Variants in CDYL2 observed in about 807,000 individuals in gnomAD.
CDYL2 encodes the protein chromodomain Y-like protein 2.
In CDYL2, 23 loss-of-function variants were observed where a neutral mutation model predicts 49.4. The observed-to-expected ratio is 0.47, with a 90% CI of 0.34 to 0.66. The LOEUF (loss-of-function observed/expected upper bound fraction) is 0.66, where lower values mean the gene tolerates loss of function less well. Ranked by LOEUF, CDYL2 falls within the 30% of genes least tolerant of loss-of-function variation. The pLI, the probability that CDYL2 is intolerant of heterozygous loss-of-function variation, is 0.01. For synonymous variants in CDYL2, 360 were observed against 268.8 expected, an observed-to-expected ratio of 1.34 and a Z score of -3.32; for missense variants, 678 against 656.4, an observed-to-expected ratio of 1.03 and a Z score of -0.36.
At chr16:80,764,452 C>A (rs1467702862) in intron 1 of CDYL2, among the ~76,000 whole-genome samples, 8 of 152,088 alleles carry the variant, frequency 5.3e-5, no homozygotes, top group Non-Finnish European at 1.0e-4. Context: ...CTATTCCATT[C>A]CCTATCCCAA....
intron 1 of CDYL2, among the ~76,000 whole-genome samples, chr16:80,719,859 T>C (rs1904939902): frequency 6.6e-6 from 1 of 152,282 alleles, no homozygotes; most frequent in East Asian, 1.9e-4. Context: ...ACCAAAGACA[T>C]TGTTGGGACC....
rs754995779 is a variant in CDYL2, at chr16:80,612,764, C to G, written c.1080G>C (p.Leu360=). ...CACAGAGGGGCAGGATGGAGGCACC[C>G]AGGCCCAGGGCCGGCCCATTGATGG... ...VVAINGPALG[L]GASILPLCDI... The change falls in exon 5 of 7, where the codon CTG becomes CTC. Residue 360 remains leucine, a synonymous_variant. Transcript: ENST00000570137. The surrounding 1 kb of genome is among the most constrained non-coding windows in gnomAD (Gnocchi z 5.0). The G allele has an allele frequency of 6.2e-7, 1 of 1,613,854 alleles. No homozygotes were observed. Among genetic ancestry groups the G allele is most frequent in the African/African-American group, 1.3e-5 (1 of 75,046 alleles).
intron 1 of CDYL2, among the ~76,000 whole-genome samples, chr16:80,686,469 C>T (rs140306183): frequency 3.5e-4 from 54 of 152,126 alleles, no homozygotes; most frequent in African/African-American, 1.2e-3. Flanking sequence ...GGAATTTTGA[C>T]CCAATAAAAT....
intron 2 of CDYL2, among the ~76,000 whole-genome samples, chr16:80,638,398 C>T (rs1471457090): frequency 6.6e-6 from 1 of 152,158 alleles, no homozygotes; most frequent in East Asian, 1.9e-4. Flanking sequence ...TTTAATATGT[C>T]AATTCTTCCC....
At chr16:80,740,016 G>C (rs575191474) in intron 1 of CDYL2, among the ~76,000 whole-genome samples, 1 of 152,344 alleles carries the variant, frequency 6.6e-6, no homozygotes, top group South Asian at 2.1e-4. Context: ...GGCTGTGGAG[G>C]GTGGTGGGTG....
At chr16:80,675,400 G>A (rs1453025192) in intron 2 of CDYL2, among the ~76,000 whole-genome samples, 1 of 152,196 alleles carries the variant, frequency 6.6e-6, no homozygotes, top group African/African-American at 2.4e-5. Flanking sequence ...AACCACTGAG[G>A]AAATTAAATC....
intron 2 of CDYL2, among the ~76,000 whole-genome samples, chr16:80,649,609 AG>A: frequency 6.6e-6 from 1 of 152,344 alleles, no homozygotes; most frequent in Middle Eastern, 3.4e-3. Flanking sequence ...TCACAGAAAT[AG>A]AAAAATACAA....
At chr16:80,639,926 T>C (rs748213324) in intron 2 of CDYL2, among the ~76,000 whole-genome samples, 1 of 152,190 alleles carries the variant, frequency 6.6e-6, no homozygotes, top group African/African-American at 2.4e-5. Flanking sequence ...AGACCAGCCC[T>C]AGCCAGAGGG....
At chr16:80,646,077 C>A (rs967430970) in intron 2 of CDYL2, among the ~76,000 whole-genome samples, 3 of 150,998 alleles carry the variant, frequency 2.0e-5, no homozygotes, top group Non-Finnish European at 2.9e-5. Context: ...ACCAACATGG[C>A]GCATGTATAC....
intron 1 of CDYL2, among the ~76,000 whole-genome samples, chr16:80,791,326 T>A (rs1234278645): frequency 6.6e-6 from 1 of 152,240 alleles, no homozygotes. Context: ...AACTTTCATA[T>A]AAATGAAAGA....
intron 1 of CDYL2, among the ~76,000 whole-genome samples, chr16:80,754,671 G>C (rs7185784): frequency 0.28 from 42,009 of 152,030 alleles, 6,413 homozygotes; most frequent in African/African-American, 0.41. Flanking sequence ...AATGCAGATG[G>C]TACTAACTCC....
intron 1 of CDYL2, among the ~76,000 whole-genome samples, chr16:80,771,288 A>G (rs1906895945): frequency 6.6e-6 from 1 of 152,270 alleles, no homozygotes; most frequent in African/African-American, 2.4e-5. Context: ...AGAAGATGAG[A>G]ACTGGCAAAA....
intron 1 of CDYL2, among the ~76,000 whole-genome samples, chr16:80,758,261 C>G (rs923487184): frequency 6.6e-6 from 1 of 152,028 alleles, no homozygotes; most frequent in Middle Eastern, 3.4e-3. Flanking sequence ...TATCTTTACA[C>G]CAAAATAAAT....
intron 1 of CDYL2, among the ~76,000 whole-genome samples, chr16:80,715,275 G>A (rs911223490): frequency 2.6e-5 from 4 of 152,112 alleles, no homozygotes; most frequent in Non-Finnish European, 4.4e-5. Flanking sequence ...GCACTGGCCT[G>A]AGGATACAGG....
intron 1 of CDYL2, among the ~76,000 whole-genome samples, chr16:80,773,417 A>G (rs778502729): frequency 2.0e-4 from 31 of 152,206 alleles, no homozygotes; most frequent in Non-Finnish European, 3.7e-4. Flanking sequence ...TAAATGATAG[A>G]ACAATCAGAC....
chr16:80,638,255 G>A (rs561567509), intron 2 of CDYL2, among the ~76,000 whole-genome samples: 10 of 152,014 alleles, frequency 6.6e-5, no homozygotes, highest in East Asian at 1.9e-4. Context: ...ATTATTTTTC[G>A]CAGAGAACAG....
At chr16:80,789,063 C>G (rs1907526103) in intron 1 of CDYL2, among the ~76,000 whole-genome samples, 1 of 151,924 alleles carries the variant, frequency 6.6e-6, no homozygotes, top group African/African-American at 2.4e-5. Context: ...ATTAAAATCA[C>G]AGTGAGATAT....
chr16:80,760,026 T>C (rs1906472140), intron 1 of CDYL2, among the ~76,000 whole-genome samples: 1 of 152,220 alleles, frequency 6.6e-6, no homozygotes, highest in African/African-American at 2.4e-5. Flanking sequence ...AGTTTGAAAC[T>C]ATATTTCATT....
At chr16:80,608,907 CA>C (rs1477151146) in intron 5 of CDYL2, among the ~76,000 whole-genome samples, 4 of 152,194 alleles carry the variant, frequency 2.6e-5, no homozygotes, top group Non-Finnish European at 5.9e-5. Flanking sequence ...CTGGGAGAAC[CA>C]TTAAGCTCCT....
Sources: allele counts gnomAD v4.1 joint callset (sites outside exome capture counted in the v4.1 genomes callset), GRCh38; gene constraint gnomAD v4.1.1; non-coding constraint Gnocchi (gnomAD v3.1); transcripts MANE v1.5; gene names NCBI Gene and HGNC (gene_info 2026-07-23, HGNC 2026-07-21).